Variants in NCKAP5 observed in about 807,000 individuals in gnomAD.
NCKAP5 encodes the protein NCK associated protein 5.
A neutral mutation model predicts 167.0 loss-of-function variants in NCKAP5; 92 were observed. That is an observed-to-expected ratio of 0.55 (90% confidence interval 0.47 to 0.66). The LOEUF (loss-of-function observed/expected upper bound fraction) is 0.66, where lower values mean the gene tolerates loss of function less well. Among genes scored for constraint, NCKAP5 ranks in the 30% least tolerant of loss-of-function variants. The probability of loss-of-function intolerance (pLI) is 0.00; values close to 1 mark genes in which losing one functional copy is unlikely to be tolerated. For synonymous variants in NCKAP5, 891 were observed against 877.4 expected (o/e 1.02, Z -0.27); for missense variants, 2,378 against 2,315.0 (o/e 1.03, Z -0.56).
the NCKAP5 span, among the ~76,000 whole-genome samples, chr2:133,650,078 C>T: frequency 2.0e-5 from 3 of 152,054 alleles, no homozygotes; most frequent in Non-Finnish European, 4.4e-5. Flanking sequence ...TAACAGCAAA[C>T]TGTGTGAAAA....
intron 11 of NCKAP5, among the ~76,000 whole-genome samples, chr2:132,830,715 T>C (rs1250975790): frequency 6.6e-6 from 1 of 152,224 alleles, no homozygotes; most frequent in Non-Finnish European, 1.5e-5. Flanking sequence ...GATCACTTCC[T>C]GCAGTTGTTA....
At chr2:133,361,688 T>C (rs1406735460) in intron 3 of NCKAP5, among the ~76,000 whole-genome samples, 4 of 152,196 alleles carry the variant, frequency 2.6e-5, no homozygotes, top group Admixed American at 2.6e-4. Context: ...TGTAGCTTGA[T>C]GGGTTGAACA....
chr2:133,037,553 C>T (rs1263957555), intron 6 of NCKAP5, among the ~76,000 whole-genome samples: 1 of 152,080 alleles, frequency 6.6e-6, no homozygotes, highest in Non-Finnish European at 1.5e-5. Context: ...GGGAAAAAAA[C>T]TGTGTCTTCA....
chr2:133,406,668 G>A (rs1264726033), intron 3 of NCKAP5, among the ~76,000 whole-genome samples: 1 of 152,136 alleles, frequency 6.6e-6, no homozygotes. Flanking sequence ...TAATTTATCA[G>A]ATAAATAAAA....
the NCKAP5 span, among the ~76,000 whole-genome samples, chr2:133,590,523 CAAAAAAAAAAAAAAA>C: frequency 2.2e-5 from 2 of 89,704 alleles, no homozygotes; most frequent in African/African-American, 4.6e-5. Context: ...GACTCTGTCT[CAAAAAAAAAAAAAAA>C]AAAAAAAGAA....
intron 11 of NCKAP5, among the ~76,000 whole-genome samples, chr2:132,858,905 A>C (rs1226143336): frequency 6.6e-6 from 1 of 152,238 alleles, no homozygotes; most frequent in African/African-American, 2.4e-5. Flanking sequence ...GGGACTGTAG[A>C]GTCTTAAACA....
At chr2:133,144,208 G>A (rs959338470) in intron 5 of NCKAP5, among the ~76,000 whole-genome samples, 6 of 152,038 alleles carry the variant, frequency 3.9e-5, no homozygotes, top group African/African-American at 1.4e-4. Flanking sequence ...GAACCAGAGG[G>A]CAAACATTTT....
chr2:133,002,620 C>T (rs2077826021), intron 6 of NCKAP5, among the ~76,000 whole-genome samples: 1 of 152,202 alleles, frequency 6.6e-6, no homozygotes, highest in South Asian at 2.1e-4. Flanking sequence ...ACTGGGTACT[C>T]TCAATTCCAC....
chr2:133,233,649 C>T (rs956629707), intron 4 of NCKAP5, among the ~76,000 whole-genome samples: 4 of 152,072 alleles, frequency 2.6e-5, no homozygotes, highest in African/African-American at 9.7e-5. Context: ...CCTATGTTGA[C>T]AATTTGCTAG....
chr2:133,648,918 A>C, the NCKAP5 span, among the ~76,000 whole-genome samples: 8 of 151,824 alleles, frequency 5.3e-5, no homozygotes, highest in East Asian at 1.9e-4. Flanking sequence ...ATAAACAAAT[A>C]AATAATAGAA....
In NCKAP5 at chr2:132,673,022, C is replaced by T. The variant is rs1017004365; in HGVS notation, c.*267G>A. ...CCAGCTCACTAAGGGAAGAGATGTCCTTTATACATCATTTGAACCTTGACT... is the reference window on the plus strand; with the variant it reads ...CCAGCTCACTAAGGGAAGAGATGTCTTTTATACATCATTTGAACCTTGACT... On this transcript the variant is annotated 3_prime_UTR_variant, in exon 20 of 20. Coordinates refer to ENST00000409261, the MANE Select transcript of NCKAP5 (RefSeq NM_207363.3). The T allele has an allele frequency of 1.0e-6, 1 of 989,430 alleles. No homozygotes were observed. The highest frequency in any genetic ancestry group is 1.2e-6 in the Non-Finnish European group (1 of 838,886). The allele number at this position is 989,430 out of a possible 1,614,324, so 61.3% of individuals were successfully genotyped here.
chr2:132,867,695 C>T (rs1690466287), intron 10 of NCKAP5, among the ~76,000 whole-genome samples: 1 of 152,142 alleles, frequency 6.6e-6, no homozygotes, highest in Admixed American at 6.5e-5. Context: ...AATGGGGCCA[C>T]ATTCCATGAA....
intron 3 of NCKAP5, among the ~76,000 whole-genome samples, chr2:133,372,192 G>A (rs1685850672): frequency 6.6e-6 from 1 of 152,170 alleles, no homozygotes; most frequent in Non-Finnish European, 1.5e-5. Flanking sequence ...CTATCAGGAG[G>A]TCAACTGTTA....
At chr2:133,464,151 G>A (rs939029397) in intron 3 of NCKAP5, among the ~76,000 whole-genome samples, 3 of 152,024 alleles carry the variant, frequency 2.0e-5, no homozygotes, top group African/African-American at 7.3e-5. Flanking sequence ...TGGGCTTCTG[G>A]GAATATCTCA....
chr2:133,656,454 T>C, the NCKAP5 span, among the ~76,000 whole-genome samples: 2 of 152,182 alleles, frequency 1.3e-5, no homozygotes, highest in Non-Finnish European at 1.5e-5. Flanking sequence ...CAGATCTGAA[T>C]AATGGGACAG....
chr2:133,170,225 C>T (rs904898206), intron 5 of NCKAP5, among the ~76,000 whole-genome samples: 36 of 152,036 alleles, frequency 2.4e-4, no homozygotes, highest in African/African-American at 2.4e-4. Flanking sequence ...GATTGTGCAA[C>T]GGCTGGGAAC....
chr2:132,954,066 A>G (rs564977007), intron 8 of NCKAP5, among the ~76,000 whole-genome samples: 21 of 152,348 alleles, frequency 1.4e-4, no homozygotes, highest in African/African-American at 5.0e-4. Context: ...CCTTGCATTC[A>G]TCCATGTCTT....
chr2:133,377,439 A>G (rs1000084121), intron 3 of NCKAP5, among the ~76,000 whole-genome samples: 2 of 152,182 alleles, frequency 1.3e-5, no homozygotes, highest in South Asian at 4.1e-4. Context: ...TTTGCCAACA[A>G]CCACACTTCC....
At chr2:133,206,280 G>A (rs889859732) in intron 5 of NCKAP5, among the ~76,000 whole-genome samples, 17 of 152,100 alleles carry the variant, frequency 1.1e-4, no homozygotes, top group South Asian at 4.2e-4. Flanking sequence ...TGTGTGTTGC[G>A]GGAAGTCAGG....
Sources: allele counts gnomAD v4.1 joint callset (sites outside exome capture counted in the v4.1 genomes callset), GRCh38; gene constraint gnomAD v4.1.1; transcripts MANE v1.5; gene names NCBI Gene and HGNC (gene_info 2026-07-23, HGNC 2026-07-21).